EXOC6B: variants seen among roughly 807,000 people sequenced by gnomAD.
The protein encoded by EXOC6B is exocyst complex component 6B.
In EXOC6B, 54 loss-of-function variants were observed where a neutral mutation model predicts 113.5. That is an observed-to-expected ratio of 0.48 (90% CI 0.38 to 0.60). The LOEUF (loss-of-function observed/expected upper bound fraction) is 0.60, where lower values mean the gene tolerates loss of function less well. EXOC6B is among the 20% of genes least tolerant of loss of function. The pLI, the probability that EXOC6B is intolerant of heterozygous loss-of-function variation, is 0.00. For synonymous variants in EXOC6B, 357 were observed against 339.0 expected (o/e 1.05, Z -0.58); for missense variants, 797 against 977.5 (o/e 0.82, Z 2.46).
intron 6 of EXOC6B, among the ~76,000 whole-genome samples, chr2:72,703,951 C>G (rs911717837): frequency 1.3e-5 from 2 of 151,982 alleles, no homozygotes; most frequent in Non-Finnish European, 2.9e-5. Context: ...CCAGAACTTC[C>G]AACACTATGT....
intron 8 of EXOC6B, among the ~76,000 whole-genome samples, chr2:72,549,256 G>A (rs1383108034): frequency 6.6e-6 from 1 of 152,020 alleles, no homozygotes; most frequent in African/African-American, 2.4e-5. Flanking sequence ...AGAATTGTAA[G>A]CAGCTAACAT....
intron 6 of EXOC6B, among the ~76,000 whole-genome samples, chr2:72,711,819 A>C (rs1266375578): frequency 6.6e-6 from 1 of 152,186 alleles, no homozygotes; most frequent in African/African-American, 2.4e-5. Flanking sequence ...TATATACAGC[A>C]TGGATACGCT....
At chr2:72,778,639 G>A (rs1263981436) in intron 1 of EXOC6B, among the ~76,000 whole-genome samples, 1 of 152,156 alleles carries the variant, frequency 6.6e-6, no homozygotes, top group Non-Finnish European at 1.5e-5. Flanking sequence ...TATCCTTTCA[G>A]TTCAGGAAAG....
chr2:72,287,156 C>A (rs910694353), intron 20 of EXOC6B, among the ~76,000 whole-genome samples: 5 of 151,924 alleles, frequency 3.3e-5, no homozygotes, highest in Middle Eastern at 3.4e-3. Context: ...GTAGGCCGGG[C>A]GCAGTGGTCA....
intron 19 of EXOC6B, among the ~76,000 whole-genome samples, chr2:72,364,569 A>G (rs1690501557): frequency 6.6e-6 from 1 of 152,064 alleles, no homozygotes; most frequent in South Asian, 2.1e-4. Flanking sequence ...CCACCTTTTC[A>G]TTAAATGCTC....
chr2:72,723,701 G>A (rs898815703), intron 5 of EXOC6B, among the ~76,000 whole-genome samples: 19 of 148,974 alleles, frequency 1.3e-4, no homozygotes, highest in Non-Finnish European at 2.5e-4. Context: ...TCTTTCCCTA[G>A]GGAGCACAAA....
At chr2:72,291,895 G>C (rs983864520) in intron 20 of EXOC6B, among the ~76,000 whole-genome samples, 6 of 152,292 alleles carry the variant, frequency 3.9e-5, no homozygotes, top group Middle Eastern at 3.4e-3. Flanking sequence ...CAGTGCAAAA[G>C]TCTAAAACGG....
intron 20 of EXOC6B, among the ~76,000 whole-genome samples, chr2:72,243,636 TAA>T (rs1682468340): frequency 6.6e-6 from 1 of 152,126 alleles, no homozygotes; most frequent in Non-Finnish European, 1.5e-5. Context: ...GAAAAATACC[TAA>T]TGTGAATGAC....
At chr2:72,525,480 T>C (rs1439994674) in intron 8 of EXOC6B, among the ~76,000 whole-genome samples, 1 of 152,130 alleles carries the variant, frequency 6.6e-6, no homozygotes, top group Non-Finnish European at 1.5e-5. Flanking sequence ...ACAACTTACC[T>C]ACCTGGCTAG....
At chr2:72,537,059 G>T (rs774246451) in intron 8 of EXOC6B, among the ~76,000 whole-genome samples, 2 of 152,076 alleles carry the variant, frequency 1.3e-5, no homozygotes, top group Non-Finnish European at 2.9e-5. Flanking sequence ...TATAATTAAC[G>T]TAGAGAAATG....
rs191179518 is a variant in EXOC6B at position 72,415,149 on chromosome 2, G to A, written c.1981-35279C>T. 4.7e-4 allele frequency among the ~76,000 whole-genome samples: 72 copies of A among 152,200 alleles called. No individual in the cohort carries two copies. The East Asian group carries it at 8.1e-3, about 17-fold the overall frequency. Reference sequence around the variant, plus strand: ...ACCCTGAGGGATCCTTAAGACTCAGGTATTCATTTACATTTTCAAGTCAGG... The same window carrying A: ...ACCCTGAGGGATCCTTAAGACTCAGATATTCATTTACATTTTCAAGTCAGG... On this transcript the variant is annotated intron_variant, in intron 18 of 21. Transcript: ENST00000272427.
intron 17 of EXOC6B, among the ~76,000 whole-genome samples, chr2:72,467,959 T>C (rs753349268): frequency 3.3e-5 from 5 of 151,858 alleles, no homozygotes; most frequent in African/African-American, 9.7e-5. Context: ...TTAGTAGACA[T>C]TGTGTTTCAC....
chr2:72,723,398 T>C (rs184802916), intron 5 of EXOC6B, among the ~76,000 whole-genome samples: 3 of 152,104 alleles, frequency 2.0e-5, no homozygotes, highest in African/African-American at 7.2e-5. Context: ...ATAACAGACA[T>C]GGTTGAATGC....
intron 6 of EXOC6B, among the ~76,000 whole-genome samples, chr2:72,700,181 C>A (rs1157708099): frequency 6.6e-6 from 1 of 151,134 alleles, no homozygotes; most frequent in Non-Finnish European, 1.5e-5. Context: ...CGGCCACTGG[C>A]TGAATCTGTG....
intron 20 of EXOC6B, among the ~76,000 whole-genome samples, chr2:72,204,290 C>T (rs1054189026): frequency 4.6e-5 from 7 of 152,100 alleles, no homozygotes; most frequent in African/African-American, 1.7e-4. Flanking sequence ...GCAAACACCT[C>T]TCCCTGAGCT....
At position 72,737,873 on chromosome 2, in the gene EXOC6B, G is replaced by C. The variant is rs947076823; in HGVS notation, c.279+3431C>G. On this transcript the variant is annotated intron_variant, in intron 2 of 21. Transcript: ENST00000272427. The stretch of plus-strand genomic sequence containing the variant: ...TCTCAAAAAAAAAAGTTATTTTACG[G>C]TAGCAAGTTCAAGTTTCTCATTTTA... Among the ~76,000 whole-genome samples the C allele has an allele frequency of 6.6e-5, 10 of 152,168 alleles. No individual in the cohort carries two copies. The Middle Eastern group carries it at 0.01, about 155-fold the overall frequency.
chr2:72,244,223 G>T (rs1315084323), intron 20 of EXOC6B, among the ~76,000 whole-genome samples: 1 of 152,132 alleles, frequency 6.6e-6, no homozygotes, highest in Non-Finnish European at 1.5e-5. Flanking sequence ...CCATAATGGA[G>T]CTAAATGAGA....
At chr2:72,346,076 T>TC (rs1199238305) in intron 19 of EXOC6B, among the ~76,000 whole-genome samples, 2 of 151,970 alleles carry the variant, frequency 1.3e-5, no homozygotes, top group African/African-American at 4.8e-5. Flanking sequence ...CAAAGGTTTT[T>TC]TTTTTAATAG....
At chr2:72,293,994 A>T (rs186683248) in intron 20 of EXOC6B, among the ~76,000 whole-genome samples, 30 of 152,240 alleles carry the variant, frequency 2.0e-4, no homozygotes, top group Non-Finnish European at 3.8e-4. Context: ...ATTAAAAAGT[A>T]AAAACTGCAT....
Sources: allele counts gnomAD v4.1 joint callset (sites outside exome capture counted in the v4.1 genomes callset), GRCh38; gene constraint gnomAD v4.1.1; transcripts MANE v1.5; gene names NCBI Gene and HGNC (gene_info 2026-07-23, HGNC 2026-07-21).